ADGRB3: variants seen among roughly 807,000 people sequenced by gnomAD.
The protein encoded by ADGRB3 is adhesion G protein-coupled receptor B3, also known as brain-specific angiogenesis inhibitor 3.
A neutral mutation model predicts 193.4 loss-of-function variants in ADGRB3; 37 were observed. The observed-to-expected ratio is 0.19, with a 90% CI of 0.15 to 0.25. The LOEUF (loss-of-function observed/expected upper bound fraction) is 0.25. ADGRB3 is among the 10% of genes least tolerant of loss of function. The pLI is 1.00. For synonymous variants in ADGRB3, 690 were observed against 644.2 expected (o/e 1.07, Z -1.08); for missense variants, 1,637 against 1,852.9 (o/e 0.88, Z 2.14).
chr6:69,162,585 G>A (rs1775027278), intron 17 of ADGRB3, among the ~76,000 whole-genome samples: 1 of 151,996 alleles, frequency 6.6e-6, no homozygotes, highest in South Asian at 2.1e-4. Flanking sequence ...CTTTCTCTCT[G>A]TCTAAAAGCT....
chr6:68,666,804 A>T (rs1768812705), intron 3 of ADGRB3, among the ~76,000 whole-genome samples: 1 of 151,842 alleles, frequency 6.6e-6, no homozygotes. Flanking sequence ...ACCCTAAAAA[A>T]AGAAATGATA....
chr6:69,309,519 C>T (rs567834451), intron 20 of ADGRB3, among the ~76,000 whole-genome samples: 1 of 151,582 alleles, frequency 6.6e-6, no homozygotes, highest in Non-Finnish European at 1.5e-5. Context: ...TCTGATTTCT[C>T]TTTGAAATAT....
chr6:68,759,961 T>C (rs1412738780), intron 3 of ADGRB3, among the ~76,000 whole-genome samples: 1 of 152,182 alleles, frequency 6.6e-6, no homozygotes, highest in Non-Finnish European at 1.5e-5. Context: ...TGAAGTTATT[T>C]TAGTTCAGTT....
intron 3 of ADGRB3, among the ~76,000 whole-genome samples, chr6:68,799,976 C>T (rs1582211848): frequency 6.6e-6 from 1 of 152,112 alleles, no homozygotes; most frequent in Non-Finnish European, 1.5e-5. Context: ...TGATAAGTTT[C>T]CTGACTATCA....
At chr6:68,876,562 T>C (rs979728449) in intron 3 of ADGRB3, among the ~76,000 whole-genome samples, 1 of 152,204 alleles carries the variant, frequency 6.6e-6, no homozygotes, top group Admixed American at 6.5e-5. Flanking sequence ...ACTTTTCTTA[T>C]AGGAAATCAG....
chr6:68,965,932 CT>C (rs1266202207), intron 8 of ADGRB3, among the ~76,000 whole-genome samples: 1 of 152,092 alleles, frequency 6.6e-6, no homozygotes, highest in Non-Finnish European at 1.5e-5. Flanking sequence ...TAAAACAAAT[CT>C]CTATCTCTAG....
intron 3 of ADGRB3, among the ~76,000 whole-genome samples, chr6:68,911,926 G>T (rs962142091): frequency 1.4e-5 from 2 of 146,202 alleles, no homozygotes; most frequent in Non-Finnish European, 3.0e-5. Flanking sequence ...ACTTGTTTTT[G>T]AGGTCAATCT....
chr6:68,731,854 G>A (rs570748999), intron 3 of ADGRB3, among the ~76,000 whole-genome samples: 1 of 151,692 alleles, frequency 6.6e-6, no homozygotes, highest in South Asian at 2.1e-4. Context: ...GTTTTGTAAA[G>A]TAATGGGCTT....
At chr6:69,188,992 A>C (rs1765128087) in intron 17 of ADGRB3, among the ~76,000 whole-genome samples, 1 of 152,324 alleles carries the variant, frequency 6.6e-6, no homozygotes, top group Admixed American at 6.5e-5. Flanking sequence ...TTTACAGTGT[A>C]AGAAAGATTT....
At chr6:69,194,092 T>G (rs1765250788) in intron 17 of ADGRB3, among the ~76,000 whole-genome samples, 1 of 152,092 alleles carries the variant, frequency 6.6e-6, no homozygotes, top group Admixed American at 6.6e-5. Flanking sequence ...AGAATTTTCC[T>G]CTCTTATTTC....
At chr6:68,898,232 G>A (rs1032071114) in intron 3 of ADGRB3, among the ~76,000 whole-genome samples, 1 of 151,964 alleles carries the variant, frequency 6.6e-6, no homozygotes, top group Admixed American at 6.6e-5. Context: ...AGAACCTGGA[G>A]CTCTGATGTC....
At chr6:69,008,660 G>A (rs531472208) in intron 11 of ADGRB3, among the ~76,000 whole-genome samples, 2 of 152,202 alleles carry the variant, frequency 1.3e-5, no homozygotes, top group African/African-American at 4.8e-5. Context: ...TTTGGCATAG[G>A]ATGAACTGGG....
chr6:68,947,032 A>G (rs1177070780), intron 6 of ADGRB3, among the ~76,000 whole-genome samples: 1 of 152,094 alleles, frequency 6.6e-6, no homozygotes, highest in Non-Finnish European at 1.5e-5. Flanking sequence ...AGGAAAATGA[A>G]GGTATAGTAT....
intron 20 of ADGRB3, among the ~76,000 whole-genome samples, chr6:69,262,148 C>A (rs967310396): frequency 6.6e-6 from 1 of 152,014 alleles, no homozygotes; most frequent in Non-Finnish European, 1.5e-5. Flanking sequence ...GGCTTTATAT[C>A]AAATTCTGGT....
intron 16 of ADGRB3, among the ~76,000 whole-genome samples, chr6:69,070,413 T>C (rs1157139244): frequency 1.3e-5 from 2 of 152,204 alleles, no homozygotes; most frequent in East Asian, 3.8e-4. Context: ...TATAGGATTC[T>C]TAAATCAGGG....
At chr6:69,041,479 G>A (rs527890476) in intron 13 of ADGRB3, among the ~76,000 whole-genome samples, 6 of 152,126 alleles carry the variant, frequency 3.9e-5, no homozygotes, top group African/African-American at 1.4e-4. Context: ...AAAATGTTAC[G>A]AGGCAAAATA....
intron 8 of ADGRB3, among the ~76,000 whole-genome samples, chr6:68,959,781 A>T (rs1443621273): frequency 6.6e-6 from 1 of 152,172 alleles, no homozygotes; most frequent in Non-Finnish European, 1.5e-5. Context: ...TTTTTTAAAA[A>T]TAATGCTAGT....
intron 3 of ADGRB3, among the ~76,000 whole-genome samples, chr6:68,728,839 T>C (rs1765721120): frequency 6.6e-6 from 1 of 151,628 alleles, no homozygotes; most frequent in Non-Finnish European, 1.5e-5. Flanking sequence ...TAAACTGTAT[T>C]ATGTGGCCTT....
chr6:69,126,270 C>A (rs1561927117), intron 17 of ADGRB3, among the ~76,000 whole-genome samples: 1 of 151,978 alleles, frequency 6.6e-6, no homozygotes, highest in Non-Finnish European at 1.5e-5. Flanking sequence ...TACATACATA[C>A]ATACACACAT....
Sources: gnomAD v4.1 joint callset for allele counts (sites outside exome capture counted in the v4.1 genomes callset) on GRCh38, gnomAD v4.1.1 for gene constraint, MANE v1.5 for transcripts, NCBI Gene and HGNC (gene_info 2026-07-23, HGNC 2026-07-21) for gene names.